The following EML6 variants were observed in gnomAD, a reference collection of about 807,000 sequenced individuals.
EML6 encodes the protein EMAP like 6, also known as echinoderm microtubule-associated protein-like 6.
EML6 carries 154 observed loss-of-function variants against 240.1 expected under a neutral mutation model. The ratio of observed to expected loss-of-function variants is 0.64; its 90% CI spans 0.56 to 0.73. EML6 has a LOEUF of 0.73. Among genes scored for constraint, EML6 ranks in the 30% least tolerant of loss-of-function variants. The pLI is 0.00. For missense variants in EML6, 2,964 were observed against 2,474.6 expected (o/e 1.20, Z -4.20); for synonymous variants, 1,148 against 899.0 (o/e 1.28, Z -4.95).
At chr2:54,887,227 T>C (rs1672196949) in intron 17 of EML6, among the ~76,000 whole-genome samples, 1 of 152,248 alleles carries the variant, frequency 6.6e-6, no homozygotes. Flanking sequence ...CATTTTCTAA[T>C]GGTTGTAGCA....
chr2:54,891,948 C>T (rs1429366045), intron 18 of EML6, among the ~76,000 whole-genome samples: 1 of 152,128 alleles, frequency 6.6e-6, no homozygotes, highest in African/African-American at 2.4e-5. Flanking sequence ...TCTTTTTTCT[C>T]ACCCCAAAAT....
intron 32 of EML6, 27 bp from the exon 33 acceptor site, chr2:54,957,763 C>T (rs1225944691): frequency 1.9e-6 from 3 of 1,547,060 alleles, no homozygotes; most frequent in Non-Finnish European, 2.6e-6. Flanking sequence ...CAATGAGGAG[C>T]CTCACTGGAC....
chr2:54,753,662 GTT>G (rs59382484), intron 2 of EML6, among the ~76,000 whole-genome samples: 46,948 of 133,408 alleles, frequency 0.35, 8,298 homozygotes, highest in Middle Eastern at 0.45. Context: ...GCAGTCCTGA[GTT>G]TTTTTTTTTT....
intron 17 of EML6, among the ~76,000 whole-genome samples, chr2:54,890,345 A>G (rs1389055845): frequency 3.3e-5 from 5 of 151,980 alleles, no homozygotes; most frequent in African/African-American, 1.2e-4. Context: ...TGCTTTTTTT[A>G]CATTATTAAA....
intron 17 of EML6, among the ~76,000 whole-genome samples, chr2:54,886,638 C>G (rs559234633): frequency 2.0e-5 from 3 of 152,274 alleles, no homozygotes; most frequent in South Asian, 4.1e-4. Flanking sequence ...TTTATTATAG[C>G]CACCTCATCA....
chr2:54,950,176 C>T (rs1186312614), intron 29 of EML6, among the ~76,000 whole-genome samples: 1 of 152,162 alleles, frequency 6.6e-6, no homozygotes, highest in African/African-American at 2.4e-5. Context: ...TATGTAGCAA[C>T]TTTGTAGAGC....
rs1034997303 is a variant in EML6 at position 54,971,427 on chromosome 2, C to G, written c.*1332C>G. The G allele has an allele frequency of 2.6e-5, 4 of 152,190 alleles. No individual in the cohort carries two copies. Among genetic ancestry groups the G allele is most frequent in the Non-Finnish European group, 5.9e-5 (4 of 68,030 alleles). 9.4% of individuals were successfully genotyped at this position (152,190 alleles called of 1,614,324 possible). ...AGCACATAGACGCCTATTAGTCCTT[C>G]TGGTCAGTGAACGAAAATTCTAGAC... is the stretch of plus-strand genomic sequence containing the variant. On this transcript the variant is annotated 3_prime_UTR_variant, in exon 42 of 42. Transcript: ENST00000356458.
rs1322232445 is a variant in EML6 at position 54,844,111 on chromosome 2, G to C, written c.912G>C (p.Glu304Asp). The stretch of plus-strand genomic sequence containing the variant: ...TTCTAGCAGGGACCCAGGACAGTGA[G>C]ATATTTGAAGTGATTGTGCGAGAGC... ...DRLLAGTQDS[E>D]IFEVIVRERD... Residue 304 changes from glutamate to aspartate, a missense_variant, in exon 8 of 42, where the codon GAG (glutamate) becomes GAC (aspartate). Transcript: ENST00000356458. 6 of 1,551,658 alleles carry C rather than the reference G, an allele frequency of 3.9e-6. No homozygotes were observed. The highest frequency in any genetic ancestry group is 1.2e-5 in the South Asian group (1 of 84,062).
At chr2:54,874,756 T>A (rs1336400310) in intron 16 of EML6, among the ~76,000 whole-genome samples, 1 of 152,200 alleles carries the variant, frequency 6.6e-6, no homozygotes, top group Non-Finnish European at 1.5e-5. Context: ...CCTGAAAGTG[T>A]GAGCTGAGGC....
At chr2:54,790,695 G>T (rs1033654449) in intron 2 of EML6, among the ~76,000 whole-genome samples, 1 of 148,246 alleles carries the variant, frequency 6.7e-6, no homozygotes, top group Non-Finnish European at 1.5e-5. Context: ...ACCCTATTGT[G>T]TATAGAGGAC....
intron 26 of EML6, among the ~76,000 whole-genome samples, chr2:54,924,711 G>A (rs75735020): frequency 0.085 from 12,882 of 152,146 alleles, 606 homozygotes; most frequent in South Asian, 0.15. Context: ...ACAGGTGCCT[G>A]CTGCCATACC....
intron 2 of EML6, among the ~76,000 whole-genome samples, chr2:54,800,904 G>C (rs568035249): frequency 6.6e-6 from 1 of 152,150 alleles, no homozygotes; most frequent in African/African-American, 2.4e-5. Flanking sequence ...CTCTGGAACA[G>C]GAGCTGGTAA....
In EML6 at chr2:54,823,854, C is replaced by G. The variant is rs978498536; in HGVS notation, c.525+3392C>G. ...GAATTAATATTCATTCATTCATTCT[C>G]TCTCTCTCTCTCTCTCTCTCTCTTT... On this transcript the variant is annotated intron_variant, in intron 5 of 41. Coordinates refer to ENST00000356458, the MANE Select transcript of EML6 (RefSeq NM_001039753.4). Among the ~76,000 whole-genome samples, 40 of 145,178 alleles carry G rather than the reference C, an allele frequency of 2.8e-4. 1 individual carries two copies. Among genetic ancestry groups the G allele is most frequent in the African/African-American group, 9.4e-4 (35 of 37,154 alleles).
At chr2:54,851,418 AAATAAAT>A (rs879916651) in intron 10 of EML6, among the ~76,000 whole-genome samples, 17 of 152,262 alleles carry the variant, frequency 1.1e-4, no homozygotes, top group Non-Finnish European at 1.3e-4. Flanking sequence ...ATCTCAAAAT[AAATAAAT>A]AATAAATAAA....
chr2:54,776,796 A>C (rs1324344220), intron 2 of EML6, among the ~76,000 whole-genome samples: 1 of 151,888 alleles, frequency 6.6e-6, no homozygotes, highest in Non-Finnish European at 1.5e-5. Flanking sequence ...ATTCAGTTTG[A>C]AAGCTAATAC....
chr2:54,900,142 C>G (rs1328214863), intron 22 of EML6, among the ~76,000 whole-genome samples: 1 of 152,160 alleles, frequency 6.6e-6, no homozygotes, highest in Non-Finnish European at 1.5e-5. Flanking sequence ...TATTTTATGA[C>G]TTGAAAACAA....
chr2:54,885,661 G>C (rs1020203006), intron 17 of EML6, among the ~76,000 whole-genome samples: 3 of 152,000 alleles, frequency 2.0e-5, no homozygotes, highest in Non-Finnish European at 4.4e-5. Context: ...TCCCAGGCCA[G>C]AGTGCAGTGG....
rs559592080 is a variant in EML6, at chr2:54,920,958, C to A, written c.3675+4023C>A. Among the ~76,000 whole-genome samples the A allele has an allele frequency of 3.9e-5, 6 of 152,082 alleles. No individual in the cohort carries two copies. In the South Asian group the frequency reaches 8.3e-4, roughly 21 times the overall value. ...GAAAAGGATGGACAAAATTCAACAT[C>A]CTCTCATGATTAAAAACACTTCAAT... is the stretch of plus-strand genomic sequence containing the variant. On this transcript the variant is annotated intron_variant, in intron 26 of 41. Coordinates refer to ENST00000356458, the MANE Select transcript of EML6 (RefSeq NM_001039753.4).
intron 16 of EML6, among the ~76,000 whole-genome samples, chr2:54,874,956 G>C (rs1031369917): frequency 6.6e-6 from 1 of 152,180 alleles, no homozygotes; most frequent in Admixed American, 6.5e-5. Flanking sequence ...GCCTGGGTTT[G>C]TCAGCAGGCA....
Sources: gnomAD v4.1 joint callset for allele counts (sites outside exome capture counted in the v4.1 genomes callset) on GRCh38, gnomAD v4.1.1 for gene constraint, MANE v1.5 for transcripts, NCBI Gene and HGNC (gene_info 2026-07-23, HGNC 2026-07-21) for gene names.